The following PAPSS1 variants were observed in gnomAD, a reference collection of about 807,000 sequenced individuals.
PAPSS1 encodes the protein 3'-phosphoadenosine 5'-phosphosulfate synthase 1, also known as bifunctional 3'-phosphoadenosine 5'-phosphosulfate synthase 1.
In PAPSS1, 50 loss-of-function variants were observed where a neutral mutation model predicts 72.0. The observed-to-expected ratio is 0.69, with a 90% CI of 0.55 to 0.88. PAPSS1 has a LOEUF of 0.88. Among genes scored for constraint, PAPSS1 ranks in the 40% least tolerant of loss-of-function variants. PAPSS1 has a pLI of 0.00. For missense variants in PAPSS1, 657 were observed against 782.2 expected (o/e 0.84, Z 1.91); for synonymous variants, 261 against 263.6 (o/e 0.99, Z 0.09).
chr4:107,719,862 A>AG (rs1292600212), intron 1 of PAPSS1: 87 of 1,342,222 alleles, frequency 6.5e-5, no homozygotes, highest in African/African-American at 9.3e-5. Context: ...GGCGCTGGGG[A>AG]GGGGGGGCGT....
intron 9 of PAPSS1, among the ~76,000 whole-genome samples, chr4:107,647,275 C>T (rs2726139): frequency 0.15 from 23,335 of 152,176 alleles, 3,250 homozygotes; most frequent in African/African-American, 0.38. Context: ...ACTATTACCA[C>T]AAGACTGGTG....
chr4:107,643,996 G>A (rs796794855), intron 10 of PAPSS1, among the ~76,000 whole-genome samples: 1 of 152,158 alleles, frequency 6.6e-6, no homozygotes, highest in African/African-American at 2.4e-5. Context: ...ACATAGTATA[G>A]AGAGGTCTCA....
rs1722637010 is a variant in PAPSS1 at position 107,682,084 on chromosome 4, C to T, written c.600G>A (p.Leu200=). ...CATCACAGGAGTCTGTTTTCAGCAC[C>T]AACTCAGGGGCCTCTGGCTTTTCAT... ...SEYEKPEAPE[L]VLKTDSCDVN... is the part of the protein sequence containing the mutation. The change falls in exon 5 of 12, where the codon TTG becomes TTA. Residue 200 remains leucine, a synonymous_variant. Coordinates refer to ENST00000265174, the MANE Select transcript of PAPSS1 (RefSeq NM_005443.5). 6.2e-7 allele frequency: 1 copy of T among 1,611,636 alleles called. No individual in the cohort carries two copies. Among genetic ancestry groups the T allele is most frequent in the African/African-American group, 1.3e-5 (1 of 74,792 alleles).
At chr4:107,714,432 C>T (rs1232321456) in intron 1 of PAPSS1, among the ~76,000 whole-genome samples, 2 of 152,160 alleles carry the variant, frequency 1.3e-5, no homozygotes, top group Non-Finnish European at 2.9e-5. Context: ...AAAGAAAAAT[C>T]ACTCCCTCCA....
intron 1 of PAPSS1, among the ~76,000 whole-genome samples, chr4:107,706,084 T>C (rs1185995061): frequency 2.6e-5 from 4 of 152,228 alleles, no homozygotes; most frequent in Non-Finnish European, 5.9e-5. Flanking sequence ...GCTTTCAGAA[T>C]CCTCTTTTAT....
At chr4:107,620,585 T>C (rs1450948997) in intron 11 of PAPSS1, among the ~76,000 whole-genome samples, 1 of 152,204 alleles carries the variant, frequency 6.6e-6, no homozygotes, top group African/African-American at 2.4e-5. Flanking sequence ...AATAATGGAC[T>C]TCCAGGGCTG....
chr4:107,683,768 G>C (rs777058128), intron 4 of PAPSS1, among the ~76,000 whole-genome samples: 3 of 152,126 alleles, frequency 2.0e-5, no homozygotes, highest in Non-Finnish European at 4.4e-5. Flanking sequence ...TCATGTAAAG[G>C]TCTATAAAAG....
At chr4:107,655,158 C>T (rs1726968557) in intron 7 of PAPSS1, among the ~76,000 whole-genome samples, 1 of 144,800 alleles carries the variant, frequency 6.9e-6, no homozygotes, top group Non-Finnish European at 1.5e-5. Flanking sequence ...TTTTTGGGTA[C>T]AACATTTTGG....
intron 5 of PAPSS1, among the ~76,000 whole-genome samples, chr4:107,678,399 A>C (rs1408790078): frequency 6.6e-6 from 1 of 152,116 alleles, no homozygotes; most frequent in Admixed American, 6.6e-5. Flanking sequence ...GCATCACCTA[A>C]CAAGTGAAAA....
chr4:107,622,595 A>C (rs1240239858), intron 11 of PAPSS1, among the ~76,000 whole-genome samples: 1 of 152,262 alleles, frequency 6.6e-6, no homozygotes, highest in Non-Finnish European at 1.5e-5. Context: ...GATTAAAGAA[A>C]GTTTGCCATA....
intron 11 of PAPSS1, among the ~76,000 whole-genome samples, chr4:107,624,408 G>A (rs1356111476): frequency 6.6e-6 from 1 of 152,084 alleles, no homozygotes; most frequent in Non-Finnish European, 1.5e-5. Flanking sequence ...AGTTCCATAA[G>A]GGCAATGACA....
In PAPSS1 at chr4:107,613,840, G is replaced by A. The variant is rs533590928; in HGVS notation, c.*409C>T. The A allele has an allele frequency of 6.5e-6, 1 of 152,766 alleles. No homozygotes were observed. The highest frequency in any genetic ancestry group is 2.4e-5 in the African/African-American group (1 of 41,532). 9.5% of individuals were successfully genotyped at this position (152,766 alleles called of 1,614,324 possible). On this transcript the variant is annotated 3_prime_UTR_variant, in exon 12 of 12. Transcript: ENST00000265174. ...AAAATCTAATCGCTACAAAGGTCTT[G>A]TAAAATCCTCAAAACAAGGTCTAGC...
At chr4:107,640,518 C>T (rs1244152445) in intron 10 of PAPSS1, among the ~76,000 whole-genome samples, 22 of 151,418 alleles carry the variant, frequency 1.5e-4, no homozygotes, top group Non-Finnish European at 2.9e-5. Context: ...TACTGACAGA[C>T]TTTTTCCTGA....
chr4:107,634,992 G>A (rs1030154697), intron 10 of PAPSS1, among the ~76,000 whole-genome samples: 11 of 151,816 alleles, frequency 7.2e-5, no homozygotes, highest in African/African-American at 1.9e-4. Context: ...TAGAGACGGG[G>A]TTTTACCGTG....
chr4:107,614,494 A>T (rs547110549), intron 11 of PAPSS1, 107 bp from the exon 12 acceptor site: 3 of 724,070 alleles, frequency 4.1e-6, no homozygotes, highest in African/African-American at 3.6e-5. Flanking sequence ...TGAAAAAAAA[A>T]TACTGAACAT....
At chr4:107,648,046 G>A (rs1726739100) in intron 9 of PAPSS1, among the ~76,000 whole-genome samples, 1 of 152,112 alleles carries the variant, frequency 6.6e-6, no homozygotes, top group Non-Finnish European at 1.5e-5. Flanking sequence ...GGCCCCCAAA[G>A]CCTATTCCTT....
At chr4:107,719,081 TAG>T (rs1560596887) in intron 1 of PAPSS1, among the ~76,000 whole-genome samples, 4 of 152,216 alleles carry the variant, frequency 2.6e-5, no homozygotes, top group African/African-American at 9.6e-5. Flanking sequence ...TTACCATCTA[TAG>T]AGTTAAATAA....
chr4:107,666,766 A>G (rs548195357), intron 5 of PAPSS1, among the ~76,000 whole-genome samples: 1 of 152,192 alleles, frequency 6.6e-6, no homozygotes, highest in Non-Finnish European at 1.5e-5. Flanking sequence ...TCTACTTACC[A>G]CTATTTTTCC....
At position 107,687,060 on chromosome 4, in the gene PAPSS1, CT is replaced by C; in HGVS notation, c.528del (p.Ala177ProfsTer26). ...TGACCTTTAATTTCTCCTGCCCGGG[CT>C]TTTTTGTAGAGTCCTTTGACATCCC... is the stretch of plus-strand genomic sequence containing the variant. ...EQRDVKGLYK[K>X]ARAGEIKGFT... On this transcript the variant is annotated frameshift_variant, in exon 4 of 12. Transcript: ENST00000265174. LOFTEE classifies it high-confidence loss of function. 6.3e-7 allele frequency: 1 copy of C among 1,595,564 alleles called. No individual in the cohort carries two copies. Among genetic ancestry groups the C allele is most frequent in the South Asian group, 1.2e-5 (1 of 86,902 alleles).
Sources: allele counts gnomAD v4.1 joint callset (sites outside exome capture counted in the v4.1 genomes callset), GRCh38; gene constraint gnomAD v4.1.1; transcripts MANE v1.5; gene names NCBI Gene and HGNC (gene_info 2026-07-23, HGNC 2026-07-21).